ANO4: variants seen among roughly 807,000 people sequenced by gnomAD.
The protein encoded by ANO4 is anoctamin 4.
A neutral mutation model predicts 141.9 loss-of-function variants in ANO4; 69 were observed. That is an observed-to-expected ratio of 0.49 (90% CI 0.40 to 0.59). The LOEUF (loss-of-function observed/expected upper bound fraction) is 0.59. ANO4 is among the 20% of genes least tolerant of loss of function. The pLI is 0.00. For synonymous variants in ANO4, 350 were observed against 394.3 expected, an observed-to-expected ratio of 0.89 and a Z score of 1.33; for missense variants, 894 against 1,162.2, an observed-to-expected ratio of 0.77 and a Z score of 3.36.
At chr12:100,861,460 G>C (rs1034994685) in intron 1 of ANO4, among the ~76,000 whole-genome samples, 131 of 152,136 alleles carry the variant, frequency 8.6e-4, no homozygotes, top group African/African-American at 3.0e-3. Flanking sequence ...ACATAGAAAA[G>C]GTACAGTAAA....
rs75383435 is a variant in ANO4 at position 100,845,056 on chromosome 12, A to G, written c.-141+50029A>G. Among the ~76,000 whole-genome samples the G allele has an allele frequency of 5.7e-3, 869 of 152,310 alleles. 6 individuals carry two copies. Among genetic ancestry groups the G allele is most frequent in the African/African-American group, 0.019 (772 of 41,568 alleles). ...GTTCTGAAAGTTGTCCACCATGTGAAGTTCTACTGGGAGATTAAGAACCGG... is the reference window on the plus strand; with the variant it reads ...GTTCTGAAAGTTGTCCACCATGTGAGGTTCTACTGGGAGATTAAGAACCGG... On this transcript the variant is annotated intron_variant, in intron 1 of 27. Transcript: ENST00000392977.
intron 2 of ANO4, among the ~76,000 whole-genome samples, chr12:100,735,173 A>G (rs577217812): frequency 6.6e-6 from 1 of 152,322 alleles, no homozygotes; most frequent in East Asian, 1.9e-4. Flanking sequence ...GTACCTCGGC[A>G]TATCCATCTC....
chr12:100,786,856 A>C (rs1436908574), intron 3 of ANO4, among the ~76,000 whole-genome samples: 4 of 152,228 alleles, frequency 2.6e-5, no homozygotes, highest in Non-Finnish European at 5.9e-5. Flanking sequence ...GATTTTTAAA[A>C]TTCTTTGTAC....
intron 5 of ANO4, among the ~76,000 whole-genome samples, chr12:100,954,099 GAAACCCAA>G (rs1022833661): frequency 1.3e-5 from 2 of 152,120 alleles, no homozygotes; most frequent in African/African-American, 4.8e-5. Context: ...TGCCTACCCA[GAAACCCAA>G]AGTTTCTTCT....
At chr12:100,949,535 A>G (rs560034043) in intron 5 of ANO4, among the ~76,000 whole-genome samples, 1 of 152,332 alleles carries the variant, frequency 6.6e-6, no homozygotes, top group African/African-American at 2.4e-5. Flanking sequence ...CTTCATTATT[A>G]TCATCATTAC....
intron 2 of ANO4, among the ~76,000 whole-genome samples, chr12:100,921,284 C>T (rs987443388): frequency 6.7e-6 from 1 of 149,756 alleles, no homozygotes; most frequent in African/African-American, 2.5e-5. Flanking sequence ...CTAGAATAAG[C>T]GTTCCTGTGA....
intron 14 of ANO4, among the ~76,000 whole-genome samples, chr12:101,070,232 A>G (rs2048755085): frequency 6.6e-6 from 1 of 152,106 alleles, no homozygotes; most frequent in South Asian, 2.1e-4. Context: ...AAAAACAACA[A>G]AACTGGAGGA....
intron 6 of ANO4, among the ~76,000 whole-genome samples, chr12:100,972,732 GAGAA>G (rs921090926): frequency 3.3e-5 from 5 of 152,052 alleles, no homozygotes; most frequent in South Asian, 2.1e-4. Context: ...AGAACCGAAA[GAGAA>G]AGAAAGAAAA....
chr12:100,975,932 AAAAAAAAAAAAAG>A (rs2044165473), intron 7 of ANO4, among the ~76,000 whole-genome samples: 1 of 74,746 alleles, frequency 1.3e-5, no homozygotes, highest in Non-Finnish European at 3.0e-5. Flanking sequence ...CTTTTCTGCC[AAAAAAAAAAAAAG>A]AAAAAAAAAA....
chr12:101,043,515 A>C (rs754886689), intron 12 of ANO4, 24 bp from the exon 13 acceptor site: 2 of 1,562,240 alleles, frequency 1.3e-6, no homozygotes, highest in Non-Finnish European at 8.8e-7. Flanking sequence ...ATCAAAAAGC[A>C]GTCCTTTCTG....
At position 101,062,839 on chromosome 12, in the gene ANO4, G is replaced by C. The variant is rs186798453; in HGVS notation, c.1312+14438G>C. Among the ~76,000 whole-genome samples the C allele has an allele frequency of 1.5e-3, 228 of 152,334 alleles. 1 individual carries two copies. Among genetic ancestry groups the C allele is most frequent in the African/African-American group, 5.0e-3 (206 of 41,576 alleles). The stretch of plus-strand genomic sequence containing the variant: ...GCTGGGCTCCGTAGGGGTGGGATCC[G>C]CTGAGCTAGACTGCTTGGCTCCCTG... On this transcript the variant is annotated intron_variant, in intron 14 of 27. Coordinates refer to ENST00000392977, the MANE Select transcript of ANO4 (RefSeq NM_001286615.2).
At chr12:101,011,327 T>C (rs1300988062) in intron 8 of ANO4, among the ~76,000 whole-genome samples, 2 of 150,990 alleles carry the variant, frequency 1.3e-5, no homozygotes, top group African/African-American at 4.9e-5. Flanking sequence ...TCTTTTTTTT[T>C]TTTTTTTTGC....
intron 1 of ANO4, among the ~76,000 whole-genome samples, chr12:100,890,265 G>A (rs2040041158): frequency 6.6e-6 from 1 of 152,250 alleles, no homozygotes; most frequent in Admixed American, 6.5e-5. Context: ...GCTACTACAA[G>A]ATAGACCCAG....
chr12:100,755,990 A>C (rs192774246), intron 3 of ANO4, among the ~76,000 whole-genome samples: 1 of 152,322 alleles, frequency 6.6e-6, no homozygotes, highest in Non-Finnish European at 1.5e-5. Context: ...GGAGAAATAA[A>C]GTAGTTTTCC....
intron 9 of ANO4, 77 bp from the exon 10 acceptor site, chr12:101,037,018 C>A: frequency 7.0e-7 from 1 of 1,437,022 alleles, no homozygotes; most frequent in South Asian, 1.2e-5. Flanking sequence ...CCAAAAAGCA[C>A]CACACTTATA....
chr12:100,993,719 T>C (rs2045244247), intron 8 of ANO4, among the ~76,000 whole-genome samples: 1 of 152,156 alleles, frequency 6.6e-6, no homozygotes, highest in African/African-American at 2.4e-5. Context: ...AGGAAATTTT[T>C]ATGGGCCAGG....
At chr12:100,806,087 A>G (rs766791536) in intron 1 of ANO4, among the ~76,000 whole-genome samples, 14 of 152,332 alleles carry the variant, frequency 9.2e-5, no homozygotes, top group Non-Finnish European at 1.2e-4. Context: ...TACAGCTTGC[A>G]GTTTCCTGGA....
intron 7 of ANO4, among the ~76,000 whole-genome samples, chr12:100,984,213 C>T (rs981770512): frequency 6.6e-6 from 1 of 152,192 alleles, no homozygotes; most frequent in Admixed American, 6.5e-5. Flanking sequence ...TTTCCTGCCT[C>T]AACCTCCTAA....
chr12:100,978,393 A>G (rs973264115), intron 7 of ANO4, among the ~76,000 whole-genome samples: 2 of 152,224 alleles, frequency 1.3e-5, no homozygotes, highest in Non-Finnish European at 2.9e-5. Flanking sequence ...GAAAACAGTG[A>G]TAAAAGGAAC....
Sources: gnomAD v4.1 joint callset for allele counts (sites outside exome capture counted in the v4.1 genomes callset) on GRCh38, gnomAD v4.1.1 for gene constraint, MANE v1.5 for transcripts, NCBI Gene and HGNC (gene_info 2026-07-23, HGNC 2026-07-21) for gene names.